BABAM2: variants seen among roughly 807,000 people sequenced by gnomAD.
The protein encoded by BABAM2 is BRISC and BRCA1 A complex member 2.
Under a neutral mutation model 54.7 loss-of-function variants are expected in BABAM2, and 31 were observed. The ratio of observed to expected loss-of-function variants is 0.57; its 90% CI spans 0.43 to 0.77. The LOEUF (loss-of-function observed/expected upper bound fraction) is 0.77, where lower values mean the gene tolerates loss of function less well. Ranked by LOEUF, BABAM2 falls within the 30% of genes least tolerant of loss-of-function variation. The pLI is 0.00. For missense variants in BABAM2, 364 were observed against 455.8 expected, an observed-to-expected ratio of 0.80 and a Z score of 1.83; for synonymous variants, 167 against 162.9, an observed-to-expected ratio of 1.03 and a Z score of -0.19.
intron 7 of BABAM2, among the ~76,000 whole-genome samples, chr2:28,189,218 T>A (rs1676645702): frequency 6.6e-6 from 1 of 151,994 alleles, no homozygotes; most frequent in African/African-American, 2.4e-5. Flanking sequence ...AAAAAGGATT[T>A]CTCTTCTGTT....
intron 7 of BABAM2, among the ~76,000 whole-genome samples, chr2:28,193,034 C>T (rs796477192): frequency 9.1e-4 from 138 of 151,668 alleles, no homozygotes; most frequent in African/African-American, 2.9e-3. Context: ...AGTAGCTGGG[C>T]GTGGTGGTGC....
rs140288797 is a variant in BABAM2, at chr2:28,144,968, G to A, written c.680+15588G>A. Among the ~76,000 whole-genome samples the A allele has an allele frequency of 4.6e-5, 7 of 152,316 alleles. No individual in the cohort carries two copies. The East Asian group carries it at 1.3e-3, about 29-fold the overall frequency. ...CATGGAGGTCACACACCAGTGCTCCGAGTGTGGTCCTCACAGCACCTGCAT... is the reference window on the plus strand; with the variant it reads ...CATGGAGGTCACACACCAGTGCTCCAAGTGTGGTCCTCACAGCACCTGCAT... On this transcript the variant is annotated intron_variant, in intron 7 of 11. Coordinates refer to ENST00000379624, the MANE Select transcript of BABAM2 (RefSeq NM_199191.3).
intron 6 of BABAM2, among the ~76,000 whole-genome samples, chr2:28,111,978 A>C (rs1250940483): frequency 6.6e-6 from 1 of 152,112 alleles, no homozygotes; most frequent in Non-Finnish European, 1.5e-5. Flanking sequence ...AAAAACATCC[A>C]TAGCTTACTA....
chr2:28,075,718 C>G (rs1664603569), intron 6 of BABAM2, among the ~76,000 whole-genome samples: 1 of 152,110 alleles, frequency 6.6e-6, no homozygotes, highest in Admixed American at 6.5e-5. Flanking sequence ...GCAGTATTTG[C>G]TACTTATATG....
intron 6 of BABAM2, among the ~76,000 whole-genome samples, chr2:28,076,833 A>G (rs1449741483): frequency 6.6e-6 from 1 of 152,078 alleles, no homozygotes; most frequent in African/African-American, 2.4e-5. Context: ...AAGTTTTATC[A>G]TCTCAATTTT....
intron 6 of BABAM2, among the ~76,000 whole-genome samples, chr2:28,087,380 G>GT (rs1220780405): frequency 4.6e-5 from 7 of 152,142 alleles, no homozygotes; most frequent in African/African-American, 1.7e-4. Context: ...ATCCTGAAAT[G>GT]TGGATAGAGA....
At chr2:27,904,245 G>A (rs1417678709) in intron 2 of BABAM2, among the ~76,000 whole-genome samples, 2 of 152,216 alleles carry the variant, frequency 1.3e-5, no homozygotes, top group Non-Finnish European at 1.5e-5. Flanking sequence ...TCTTGACCAA[G>A]GGTCAGGGTA....
intron 8 of BABAM2, among the ~76,000 whole-genome samples, chr2:28,241,062 A>G (rs1204061036): frequency 6.6e-6 from 1 of 152,140 alleles, no homozygotes; most frequent in African/African-American, 2.4e-5. Context: ...TTTATTTTTT[A>G]GAGATGCATA....
At chr2:28,151,894 A>G (rs13390606) in intron 7 of BABAM2, among the ~76,000 whole-genome samples, 1,751 of 152,146 alleles carry the variant, frequency 0.012, 40 homozygotes, top group African/African-American at 0.04. Context: ...TCACACACAG[A>G]TTTTCCCCCA....
At chr2:28,157,139 A>T (rs1000485902) in intron 7 of BABAM2, among the ~76,000 whole-genome samples, 7 of 152,192 alleles carry the variant, frequency 4.6e-5, no homozygotes, top group Non-Finnish European at 7.3e-5. Flanking sequence ...TGTGTCTCTA[A>T]TCTTGACTGG....
Position 28,025,218 on chromosome 2 carries a change from T to A in BABAM2, c.301-8T>A. 6.3e-7 allele frequency: 1 copy of A among 1,578,022 alleles called. No homozygotes were observed. The highest frequency in any genetic ancestry group is 8.6e-7 in the Non-Finnish European group (1 of 1,167,942). ...TAACTGGTCTTTTATTTGTTACGAC[T>A]TCTACAGAATCTTGCCTCCTGGAAT... is the stretch of plus-strand genomic sequence containing the variant. On this transcript the variant is annotated splice_polypyrimidine_tract_variant and splice_region_variant and intron_variant, in intron 4 of 11. Coordinates refer to ENST00000379624, the MANE Select transcript of BABAM2 (RefSeq NM_199191.3).
chr2:27,890,008 C>A (rs1664685956), upstream of BABAM2: 1 of 401,032 alleles, frequency 2.5e-6, no homozygotes, highest in East Asian at 3.8e-5. This position sits in a 1 kb window ranked among gnomAD's most constrained non-coding sequence, Gnocchi z 4.8. Context: ...TTGGGGAGCG[C>A]TTTGAGTAAT....
chr2:27,983,895 T>G (rs978651966), intron 3 of BABAM2, among the ~76,000 whole-genome samples: 1 of 151,170 alleles, frequency 6.6e-6, no homozygotes, highest in Admixed American at 6.6e-5. Flanking sequence ...ATGTCATCTG[T>G]AGATAGAGAT....
chr2:28,037,058 G>GT (rs1218221346), intron 5 of BABAM2, among the ~76,000 whole-genome samples: 2 of 151,928 alleles, frequency 1.3e-5, no homozygotes, highest in Non-Finnish European at 2.9e-5. Flanking sequence ...TACGCTTTTA[G>GT]TTTTTTTTAA....
chr2:28,327,244 TCTC>T (rs770257670), intron 11 of BABAM2: 5 of 1,578,736 alleles, frequency 3.2e-6, no homozygotes, highest in Admixed American at 3.5e-5. Flanking sequence ...GGCCCTCCCT[TCTC>T]CTCCTCCTTC....
chr2:28,066,632 A>G (rs1663609847), intron 6 of BABAM2, among the ~76,000 whole-genome samples: 1 of 152,170 alleles, frequency 6.6e-6, no homozygotes, highest in Non-Finnish European at 1.5e-5. Context: ...TGGAGGATGC[A>G]CTTCCAAGAT....
chr2:28,074,122 G>A (rs921347813), intron 6 of BABAM2, among the ~76,000 whole-genome samples: 1 of 152,058 alleles, frequency 6.6e-6, no homozygotes, highest in Non-Finnish European at 1.5e-5. Flanking sequence ...GGTGCTCAAA[G>A]ATCTGGTTAT....
intron 8 of BABAM2, among the ~76,000 whole-genome samples, chr2:28,237,814 C>T (rs1031656487): frequency 1.3e-5 from 2 of 152,114 alleles, no homozygotes; most frequent in African/African-American, 4.8e-5. Flanking sequence ...TCACCAGAGT[C>T]CTGTGCCTAG....
chr2:27,973,744 A>G (rs1263522497), intron 3 of BABAM2, among the ~76,000 whole-genome samples: 1 of 152,198 alleles, frequency 6.6e-6, no homozygotes, highest in African/African-American at 2.4e-5. Flanking sequence ...GGAACCGGAC[A>G]GAATCAGTAT....
Sources: allele counts gnomAD v4.1 joint callset (sites outside exome capture counted in the v4.1 genomes callset), GRCh38; gene constraint gnomAD v4.1.1; non-coding constraint Gnocchi (gnomAD v3.1); transcripts MANE v1.5; gene names NCBI Gene and HGNC (gene_info 2026-07-23, HGNC 2026-07-21).